TNNT1: variants seen among roughly 807,000 people sequenced by gnomAD.
The protein encoded by TNNT1 is troponin T1, slow skeletal type.
TNNT1 carries 53 observed loss-of-function variants against 50.6 expected under a neutral mutation model. The observed-to-expected ratio is 1.05, with a 90% CI of 0.84 to 1.32. The LOEUF (loss-of-function observed/expected upper bound fraction) is 1.32, where lower values mean the gene tolerates loss of function less well. TNNT1 is among the 40% of genes most tolerant of loss of function. The pLI is 0.00. For missense variants in TNNT1, 348 were observed against 381.7 expected (o/e 0.91, Z 0.74); for synonymous variants, 142 against 138.0 (o/e 1.03, Z -0.20).
At chr19:55,138,124 G>A in intron 9 of TNNT1, 50 bp from the exon 10 acceptor site, 1 of 1,613,454 alleles carries the variant, frequency 6.2e-7, no homozygotes. Context: ...AGGACTGAGG[G>A]AGGAGGGCCC....
At chr19:55,144,695 G>C (rs1315227564) in intron 6 of TNNT1, among the ~76,000 whole-genome samples, 1 of 152,264 alleles carries the variant, frequency 6.6e-6, no homozygotes, top group Non-Finnish European at 1.5e-5. Flanking sequence ...GAAAGCACAG[G>C]CATGGCTAGA....
chr19:55,134,709 G>C (rs1313497909), intron 11 of TNNT1, among the ~76,000 whole-genome samples: 2 of 11,722 alleles, frequency 1.7e-4, no homozygotes, highest in South Asian at 4.5e-3. Flanking sequence ...GGAGGGGAGA[G>C]GAGAAGAGGG....
At chr19:55,145,488 A>G in intron 6 of TNNT1, 56 bp downstream of exon 6, 2 of 1,551,888 alleles carry the variant, frequency 1.3e-6, no homozygotes, top group East Asian at 2.2e-5. Flanking sequence ...CTCTGGGGGT[A>G]GAGGGAATAT....
intron 11 of TNNT1, 81 bp from the exon 12 acceptor site, chr19:55,134,285 C>T: frequency 7.2e-7 from 1 of 1,387,206 alleles, no homozygotes; most frequent in South Asian, 1.2e-5. Flanking sequence ...ACTGTGAGTT[C>T]AGCGTTGTCG....
chr19:55,138,503 A>C (rs778626686), intron 9 of TNNT1, among the ~76,000 whole-genome samples: 1 of 152,086 alleles, frequency 6.6e-6, no homozygotes, highest in Non-Finnish European at 1.5e-5. Flanking sequence ...GTCTCAAACT[A>C]CTGACCTCAA....
intron 5 of TNNT1, among the ~76,000 whole-genome samples, chr19:55,146,186 T>G (rs1245084483): frequency 1.3e-5 from 2 of 152,036 alleles, no homozygotes; most frequent in East Asian, 3.9e-4. Context: ...TCCTCCAGAC[T>G]GGGGAAGAAG....
intron 9 of TNNT1, 59 bp downstream of exon 9, chr19:55,140,824 A>ATAAT: frequency 7.7e-7 from 1 of 1,304,806 alleles, no homozygotes; most frequent in Non-Finnish European, 1.1e-6. Context: ...AATAATAACA[A>ATAAT]AATGGGCATC....
chr19:55,135,357 G>A (rs1323338798), intron 11 of TNNT1, among the ~76,000 whole-genome samples: 1 of 151,774 alleles, frequency 6.6e-6, no homozygotes. Flanking sequence ...TGCCATACCA[G>A]CCCTGGACTA....
Position 55,138,797 on chromosome 19 carries a change from G to A in TNNT1, c.388-723C>T, listed in dbSNP as rs1254020102. On this transcript the variant is annotated intron_variant, in intron 9 of 13. Coordinates refer to ENST00000588981, the MANE Select transcript of TNNT1 (RefSeq NM_003283.6). ...GGTCAAGGGAAGTAACTGGTGATAA[G>A]ACCAGGGACTGGGGAGATTAAAGAG... Among the ~76,000 whole-genome samples, 8 of 152,200 alleles carry A rather than the reference G, an allele frequency of 5.3e-5. 1 individual carries two copies. Among genetic ancestry groups the A allele is most frequent in the Admixed American group, 4.6e-4 (7 of 15,270 alleles).
intron 13 of TNNT1, 90 bp from the exon 14 acceptor site, chr19:55,133,050 C>T: frequency 8.4e-7 from 1 of 1,191,780 alleles, no homozygotes; most frequent in South Asian, 1.3e-5. Flanking sequence ...GCCCATTCCC[C>T]AAAATATTAG....
chr19:55,147,214 G>C (rs2085577181), intron 1 of TNNT1, 46 bp from the exon 2 acceptor site: 7 of 1,593,932 alleles, frequency 4.4e-6, no homozygotes, highest in Admixed American at 1.7e-5. Flanking sequence ...GCCCCAAGGA[G>C]GGGGCGACCT....
chr19:55,132,904 G>A lies in TNNT1; in HGVS notation c.*11C>T. 6.3e-7 allele frequency: 1 copy of A among 1,599,484 alleles called. No individual in the cohort carries two copies. Among genetic ancestry groups the A allele is most frequent in the Non-Finnish European group, 8.5e-7 (1 of 1,174,310 alleles). On this transcript the variant is annotated 3_prime_UTR_variant, in exon 14 of 14. Coordinates refer to ENST00000588981, the MANE Select transcript of TNNT1 (RefSeq NM_003283.6). ...CAGGCTTCCCAGGTGCCACTGTCCGGGGCGGCATCCTCACTTCCAGCGGCC... is the reference window on the plus strand; with the variant it reads ...CAGGCTTCCCAGGTGCCACTGTCCGAGGCGGCATCCTCACTTCCAGCGGCC...
chr19:55,143,205 G>C (rs2085490985), intron 6 of TNNT1, among the ~76,000 whole-genome samples: 1 of 150,772 alleles, frequency 6.6e-6, no homozygotes. Context: ...TCACTATGTT[G>C]TCCAGGGTGG....
intron 3 of TNNT1, 79 bp from the exon 4 acceptor site, chr19:55,146,786 G>C (rs2085564212): frequency 7.2e-6 from 9 of 1,248,704 alleles, no homozygotes; most frequent in Middle Eastern, 2.1e-4. Flanking sequence ...CAGGGTTCCA[G>C]TCTCTGCTGG....
At chr19:55,144,923 T>G (rs1366519976) in intron 6 of TNNT1, among the ~76,000 whole-genome samples, 4 of 151,956 alleles carry the variant, frequency 2.6e-5, no homozygotes, top group Admixed American at 1.3e-4. Context: ...AGCCACAAGT[T>G]GTAGGCAGGG....
chr19:55,148,402 A>G (rs1457030198), intron 1 of TNNT1, among the ~76,000 whole-genome samples: 1 of 151,954 alleles, frequency 6.6e-6, no homozygotes, highest in African/African-American at 2.4e-5. Flanking sequence ...TGACCCCTAC[A>G]TTCTTAGACC....
At chr19:55,136,844 G>T (rs2085353713) in intron 11 of TNNT1, among the ~76,000 whole-genome samples, 1 of 152,146 alleles carries the variant, frequency 6.6e-6, no homozygotes, top group Non-Finnish European at 1.5e-5. Context: ...TAAACTTGGG[G>T]GAGGGAAGTC....
At chr19:55,147,364 G>A (rs1270282924) in intron 1 of TNNT1, 196 bp from the exon 2 acceptor site, 2 of 156,472 alleles carry the variant, frequency 1.3e-5, no homozygotes, top group African/African-American at 1.0e-4. Context: ...CTGGGTCTGA[G>A]GAAGGAGGGG....
chr19:55,145,453 C>G lies in TNNT1; in HGVS notation c.128+91G>C. On this transcript the variant is annotated intron_variant, in intron 6 of 13. Coordinates refer to ENST00000588981, the MANE Select transcript of TNNT1 (RefSeq NM_003283.6). ...GACTGCTGTTTCAATTTCCTCCCTC[C>G]ATCTCTGCCTTTCTCACACCTTGTC... The G allele has an allele frequency of 5.5e-6, 7 of 1,279,340 alleles. No individual in the cohort carries two copies. In the South Asian group the frequency reaches 7.6e-5, roughly 14 times the overall value. The allele number at this position is 1,279,340 out of a possible 1,614,324, so 79.2% of individuals were successfully genotyped here.
Sources: allele counts gnomAD v4.1 joint callset (sites outside exome capture counted in the v4.1 genomes callset), GRCh38; gene constraint gnomAD v4.1.1; transcripts MANE v1.5; gene names NCBI Gene and HGNC (gene_info 2026-07-23, HGNC 2026-07-21).